PDZD2: variants seen among roughly 807,000 people sequenced by gnomAD.
The protein encoded by PDZD2 is PDZ domain containing 2, also known as PDZ domain-containing protein 2.
Under a neutral mutation model 220.7 loss-of-function variants are expected in PDZD2, and 90 were observed. The observed-to-expected ratio is 0.41, with a 90% confidence interval of 0.34 to 0.49. The LOEUF (loss-of-function observed/expected upper bound fraction) is 0.49, where lower values mean the gene tolerates loss of function less well. Ranked by LOEUF, PDZD2 falls within the 20% of genes least tolerant of loss-of-function variation. PDZD2 has a pLI of 0.28. For missense variants in PDZD2, 3,174 were observed against 3,608.5 expected (o/e 0.88, Z 3.08); for synonymous variants, 1,375 against 1,450.5 (o/e 0.95, Z 1.18).
At chr5:31,920,828 T>G (rs1341508539) in intron 2 of PDZD2, among the ~76,000 whole-genome samples, 1 of 152,174 alleles carries the variant, frequency 6.6e-6, no homozygotes, top group Non-Finnish European at 1.5e-5. Context: ...GTCTCCATAA[T>G]TTTGCCGTTT....
At chr5:31,970,720 C>T (rs1174206490) in intron 2 of PDZD2, among the ~76,000 whole-genome samples, 1 of 151,898 alleles carries the variant, frequency 6.6e-6, no homozygotes, top group African/African-American at 2.4e-5. Flanking sequence ...TCTAAGACAC[C>T]ACTGATGGGA....
At chr5:31,915,988 G>C (rs1581068976) in intron 2 of PDZD2, among the ~76,000 whole-genome samples, 1 of 152,196 alleles carries the variant, frequency 6.6e-6, no homozygotes, top group East Asian at 1.9e-4. Context: ...GTGGGAGAGA[G>C]AATGTTGGAT....
chr5:31,977,623 C>T (rs1749903287), intron 2 of PDZD2, among the ~76,000 whole-genome samples: 1 of 152,170 alleles, frequency 6.6e-6, no homozygotes, highest in African/African-American at 2.4e-5. Context: ...GATAAGGCAC[C>T]TTTTGCGGGA....
intron 6 of PDZD2, among the ~76,000 whole-genome samples, chr5:32,019,508 C>G (rs1045584721): frequency 4.6e-5 from 7 of 152,146 alleles, no homozygotes; most frequent in Non-Finnish European, 1.0e-4. Context: ...ATAGAATAGG[C>G]ACACCCAGAG....
chr5:31,909,427 A>C (rs1742979197), intron 2 of PDZD2, among the ~76,000 whole-genome samples: 1 of 152,186 alleles, frequency 6.6e-6, no homozygotes, highest in Admixed American at 6.5e-5. Flanking sequence ...TAAGGGCATT[A>C]ATTTGGGGAG....
intron 7 of PDZD2, among the ~76,000 whole-genome samples, chr5:32,041,908 CAAA>C (rs56157199): frequency 8.8e-5 from 8 of 90,942 alleles, no homozygotes; most frequent in Non-Finnish European, 1.2e-4. Flanking sequence ...AAAAAGAAAG[CAAA>C]AAAAAAAAAA....
At chr5:31,921,088 G>A (rs1186020121) in intron 2 of PDZD2, among the ~76,000 whole-genome samples, 1 of 152,154 alleles carries the variant, frequency 6.6e-6, no homozygotes, top group Non-Finnish European at 1.5e-5. Flanking sequence ...TGTGCTCACT[G>A]TCTTTTCACA....
At chr5:31,800,728 A>G (rs534480470) in intron 2 of PDZD2, among the ~76,000 whole-genome samples, 25 of 152,314 alleles carry the variant, frequency 1.6e-4, no homozygotes, top group Admixed American at 1.5e-3. Context: ...AATGATAGGT[A>G]TATAGGAAAG....
In PDZD2 at chr5:32,093,675, GT is replaced by G. The variant is rs201006810; in HGVS notation, c.7845+653del. ...CAACGTAAGTTAGAGATAATAGAAC[GT>G]TATTAAGAAAATCCTAAGAGGCCAG... On this transcript the variant is annotated intron_variant, in intron 21 of 24. Coordinates refer to ENST00000438447, the MANE Select transcript of PDZD2 (RefSeq NM_178140.4). Among the ~76,000 whole-genome samples the G allele has an allele frequency of 2.9e-3, 442 of 152,204 alleles. 3 individuals carry two copies. Among genetic ancestry groups the G allele is most frequent in the African/African-American group, 0.01 (430 of 41,540 alleles).
intron 1 of PDZD2, among the ~76,000 whole-genome samples, chr5:31,682,936 C>T (rs1300370291): frequency 2.0e-5 from 3 of 152,082 alleles, no homozygotes; most frequent in African/African-American, 7.2e-5. Context: ...GCTGTGTGAA[C>T]CCCGTGACAC....
intron 6 of PDZD2, among the ~76,000 whole-genome samples, chr5:32,013,242 G>A (rs1052934911): frequency 2.0e-5 from 3 of 151,218 alleles, no homozygotes; most frequent in Non-Finnish European, 4.4e-5. Flanking sequence ...TTTCACCAAT[G>A]TACTTCACAT....
intron 1 of PDZD2, among the ~76,000 whole-genome samples, chr5:31,739,648 G>A (rs1750132407): frequency 6.6e-6 from 1 of 152,192 alleles, no homozygotes; most frequent in Non-Finnish European, 1.5e-5. Context: ...CATGATACCA[G>A]CCATTTAATT....
chr5:31,947,154 C>CAAT (rs911247525), intron 2 of PDZD2, among the ~76,000 whole-genome samples: 1 of 152,106 alleles, frequency 6.6e-6, no homozygotes, highest in Non-Finnish European at 1.5e-5. Flanking sequence ...TTTAGAGGGA[C>CAAT]AATATACAAA....
At chr5:32,036,231 G>A (rs1755543787) in intron 6 of PDZD2, among the ~76,000 whole-genome samples, 1 of 152,206 alleles carries the variant, frequency 6.6e-6, no homozygotes, top group Non-Finnish European at 1.5e-5. Flanking sequence ...CTCCGGGCAT[G>A]AGCCACTGCA....
intron 1 of PDZD2, among the ~76,000 whole-genome samples, chr5:31,765,850 G>A (rs1751966538): frequency 6.6e-6 from 1 of 152,170 alleles, no homozygotes; most frequent in Non-Finnish European, 1.5e-5. Flanking sequence ...CTAGTCGTGA[G>A]CTGCTGCTTA....
Position 32,018,361 on chromosome 5 carries a change from G to A in PDZD2, c.1407+7879G>A, listed in dbSNP as rs192218974. ...GATGCCCAGGGACCTCTGTGTGCAC[G>A]GCGTTGAGACAAAGGGAGGTTTTAG... On this transcript the variant is annotated intron_variant, in intron 6 of 24. Coordinates refer to ENST00000438447, the MANE Select transcript of PDZD2 (RefSeq NM_178140.4). Among the ~76,000 whole-genome samples, 21 of 152,338 alleles carry A rather than the reference G, an allele frequency of 1.4e-4. No homozygotes were observed. In the East Asian group the frequency reaches 4.1e-3, roughly 29 times the overall value.
Position 31,768,414 on chromosome 5 carries a change from G to A in PDZD2, c.-360-30475G>A, listed in dbSNP as rs188464545. Among the ~76,000 whole-genome samples, 615 of 152,182 alleles carry A rather than the reference G, an allele frequency of 4.0e-3. 3 individuals are homozygous for A. The highest frequency in any genetic ancestry group is 0.014 in the African/African-American group (575 of 41,516). ...TCCCAGCACTTTGGGAGCCTGAGGTGGGTGGATCACAAGGTCAGGAGTTTG... is the reference window on the plus strand; with the variant it reads ...TCCCAGCACTTTGGGAGCCTGAGGTAGGTGGATCACAAGGTCAGGAGTTTG... On this transcript the variant is annotated intron_variant, in intron 1 of 24. Transcript: ENST00000438447.
At chr5:31,944,082 C>T (rs373016792) in intron 2 of PDZD2, among the ~76,000 whole-genome samples, 5 of 152,206 alleles carry the variant, frequency 3.3e-5, no homozygotes, top group Admixed American at 3.3e-4. Flanking sequence ...GTAACAAGCA[C>T]ATGCAGGTTA....
At chr5:31,970,214 A>G (rs1429530289) in intron 2 of PDZD2, among the ~76,000 whole-genome samples, 1 of 152,148 alleles carries the variant, frequency 6.6e-6, no homozygotes, top group African/African-American at 2.4e-5. Context: ...AGTTTTACAA[A>G]GGGCAAAAAT....
Sources: allele counts gnomAD v4.1 joint callset (sites outside exome capture counted in the v4.1 genomes callset), GRCh38; gene constraint gnomAD v4.1.1; transcripts MANE v1.5; gene names NCBI Gene and HGNC (gene_info 2026-07-23, HGNC 2026-07-21).